GRIN2A: variants seen among roughly 807,000 people sequenced by gnomAD.
The protein encoded by GRIN2A is glutamate ionotropic receptor NMDA type subunit 2A, also known as glutamate receptor ionotropic, NMDA 2A.
GRIN2A carries 22 observed loss-of-function variants against 113.4 expected under a neutral mutation model. That is an observed-to-expected ratio of 0.19 (90% CI 0.14 to 0.28). The LOEUF (loss-of-function observed/expected upper bound fraction) is 0.28. Among genes scored for constraint, GRIN2A ranks in the 10% least tolerant of loss-of-function variants. The pLI, the probability that GRIN2A is intolerant of heterozygous loss-of-function variation, is 1.00. For synonymous variants in GRIN2A, 827 were observed against 738.4 expected (o/e 1.12, Z -1.94); for missense variants, 1,502 against 1,887.0 (o/e 0.80, Z 3.78).
chr16:9,985,027 C>A (rs914514037), intron 2 of GRIN2A, among the ~76,000 whole-genome samples: 1 of 152,148 alleles, frequency 6.6e-6, no homozygotes, highest in Admixed American at 6.5e-5. Context: ...GACACACACT[C>A]ATGCATGCAT....
intron 11 of GRIN2A, among the ~76,000 whole-genome samples, chr16:9,786,439 GAA>G (rs1040031216): frequency 2.0e-5 from 3 of 152,004 alleles, no homozygotes; most frequent in African/African-American, 4.8e-5. Flanking sequence ...ATGAACAATG[GAA>G]AAAAAGTGTA....
intron 2 of GRIN2A, among the ~76,000 whole-genome samples, chr16:9,945,486 A>C (rs2044997177): frequency 6.6e-6 from 1 of 152,186 alleles, no homozygotes. Context: ...AGCAAAGGCC[A>C]CATCACACAA....
intron 11 of GRIN2A, among the ~76,000 whole-genome samples, chr16:9,770,278 T>A (rs1901188038): frequency 6.6e-6 from 1 of 152,226 alleles, no homozygotes; most frequent in Non-Finnish European, 1.5e-5. Flanking sequence ...ATATACATGA[T>A]CTCTAAGATG....
chr16:9,993,122 C>A (rs1770234304), intron 2 of GRIN2A, among the ~76,000 whole-genome samples: 1 of 151,908 alleles, frequency 6.6e-6, no homozygotes, highest in South Asian at 2.1e-4. Flanking sequence ...CCCAGCTACT[C>A]CTCGGGAGGC....
chr16:9,957,812 G>C (rs146225965), intron 2 of GRIN2A, among the ~76,000 whole-genome samples: 59 of 152,252 alleles, frequency 3.9e-4, no homozygotes, highest in Non-Finnish European at 7.1e-4. Context: ...AACCTCACCT[G>C]AGAACTCTTC....
intron 2 of GRIN2A, among the ~76,000 whole-genome samples, chr16:10,061,371 G>C (rs948336393): frequency 6.6e-6 from 1 of 152,142 alleles, no homozygotes; most frequent in Non-Finnish European, 1.5e-5. Flanking sequence ...TTTTGTTTTA[G>C]CATTTCCAGG....
chr16:9,779,689 G>C (rs1192420128), intron 11 of GRIN2A, among the ~76,000 whole-genome samples: 1 of 152,148 alleles, frequency 6.6e-6, no homozygotes, highest in African/African-American at 2.4e-5. Flanking sequence ...AGGGTAATAG[G>C]GTGGTGTGCA....
chr16:10,106,935 T>C (rs1165314924), intron 2 of GRIN2A, among the ~76,000 whole-genome samples: 1 of 152,070 alleles, frequency 6.6e-6, no homozygotes, highest in African/African-American at 2.4e-5. Flanking sequence ...ATTACCTCCA[T>C]TTTCAGAGGA....
intron 3 of GRIN2A, among the ~76,000 whole-genome samples, chr16:9,908,750 C>G (rs2044075801): frequency 6.6e-6 from 1 of 152,184 alleles, no homozygotes; most frequent in South Asian, 2.1e-4. Flanking sequence ...ATCCTCACGT[C>G]AGTACGATGA....
intron 2 of GRIN2A, among the ~76,000 whole-genome samples, chr16:10,095,617 A>G (rs1447629854): frequency 6.6e-6 from 1 of 152,332 alleles, no homozygotes; most frequent in East Asian, 1.9e-4. Flanking sequence ...CTAATAATAT[A>G]GGAGCTACAT....
chr16:9,878,827 A>T (rs1349350386), intron 4 of GRIN2A, among the ~76,000 whole-genome samples: 1 of 151,784 alleles, frequency 6.6e-6, no homozygotes, highest in South Asian at 2.1e-4. Context: ...AACAACAACA[A>T]CAGCAACAAC....
At chr16:9,772,396 G>C (rs913970352) in intron 11 of GRIN2A, among the ~76,000 whole-genome samples, 5 of 152,014 alleles carry the variant, frequency 3.3e-5, no homozygotes, top group Non-Finnish European at 7.4e-5. Context: ...GTTGAGATGG[G>C]GTCTCACTAC....
intron 11 of GRIN2A, among the ~76,000 whole-genome samples, chr16:9,772,617 C>T (rs982523778): frequency 1.3e-5 from 2 of 152,140 alleles, no homozygotes; most frequent in African/African-American, 2.4e-5. Flanking sequence ...CTCAAGCAAC[C>T]CACCTGGCTC....
At chr16:10,144,837 C>T (rs1188842309) in intron 2 of GRIN2A, among the ~76,000 whole-genome samples, 1 of 140,862 alleles carries the variant, frequency 7.1e-6, no homozygotes, top group Non-Finnish European at 1.5e-5. Context: ...GGGAGAATTG[C>T]TTGTACCCAG....
intron 12 of GRIN2A, 27 bp from the exon 13 acceptor site, chr16:9,764,975 TCAG>T (rs749857415): frequency 1.6e-5 from 26 of 1,612,308 alleles, no homozygotes; most frequent in Middle Eastern, 1.7e-4. Flanking sequence ...TAAAGCACTG[TCAG>T]CAGCAGCAGC....
rs1488628517 is a variant in GRIN2A at position 9,850,678 on chromosome 16, A to C, written c.1123-717T>G. On this transcript the variant is annotated intron_variant, in intron 4 of 12. Transcript: ENST00000330684. ...AAAGCATCATTTTGACCCCAGATAC[A>C]GTTCTATTTAAGTTGCAAATTAAGG... 2.0e-5 allele frequency among the ~76,000 whole-genome samples: 3 copies of C among 152,144 alleles called. No homozygotes were observed. The East Asian group carries it at 5.8e-4, about 29-fold the overall frequency.
chr16:10,133,623 TATAA>T (rs1376601592), intron 2 of GRIN2A, among the ~76,000 whole-genome samples: 3 of 151,880 alleles, frequency 2.0e-5, no homozygotes, highest in Non-Finnish European at 4.4e-5. Context: ...AAATAATAAT[TATAA>T]ATAAATAAAT....
chr16:9,980,212 G>T (rs1443753146), intron 2 of GRIN2A, among the ~76,000 whole-genome samples: 4 of 151,720 alleles, frequency 2.6e-5, no homozygotes, highest in Non-Finnish European at 5.9e-5. Context: ...GGCAGAGGTT[G>T]CAGTGAGCCG....
rs1459397585 is a variant in GRIN2A, at chr16:10,117,903, C to T, written c.414+62095G>A. On this transcript the variant is annotated intron_variant, in intron 2 of 12. Coordinates refer to ENST00000330684, the MANE Select transcript of GRIN2A (RefSeq NM_001134407.3). ...TACTGAAGAATTGTCCCTGCTTGCC[C>T]CTTTATCCCTGTGGACTGGGCACCC... is the stretch of plus-strand genomic sequence containing the variant. 7.2e-5 allele frequency among the ~76,000 whole-genome samples: 11 copies of T among 152,306 alleles called. No homozygotes were observed. The South Asian group carries it at 2.1e-3, about 29-fold the overall frequency.
Sources: gnomAD v4.1 joint callset for allele counts (sites outside exome capture counted in the v4.1 genomes callset) on GRCh38, gnomAD v4.1.1 for gene constraint, MANE v1.5 for transcripts, NCBI Gene and HGNC (gene_info 2026-07-23, HGNC 2026-07-21) for gene names.